The following CNTNAP5 variants were observed in gnomAD, a reference collection of about 807,000 sequenced individuals.
CNTNAP5 encodes contactin-associated protein-like 5.
In CNTNAP5, 72 loss-of-function variants were observed where a neutral mutation model predicts 150.2. That is an observed-to-expected ratio of 0.48 (90% CI 0.40 to 0.58). CNTNAP5 has a LOEUF of 0.58. CNTNAP5 is among the 20% of genes least tolerant of loss of function. CNTNAP5 has a pLI of 0.00. For missense variants in CNTNAP5, 1,636 were observed against 1,626.2 expected (o/e 1.01, Z -0.10); for synonymous variants, 672 against 619.8 (o/e 1.08, Z -1.25).
chr2:124,369,203 G>C (rs939912267), intron 3 of CNTNAP5, among the ~76,000 whole-genome samples: 2 of 152,094 alleles, frequency 1.3e-5, no homozygotes, highest in Non-Finnish European at 2.9e-5. Flanking sequence ...TTTCAGGAGA[G>C]CCAGGGGCTT....
chr2:124,376,070 AG>A (rs1690642107), intron 3 of CNTNAP5, among the ~76,000 whole-genome samples: 1 of 152,214 alleles, frequency 6.6e-6, no homozygotes, highest in African/African-American at 2.4e-5. Context: ...GAAATAATAT[AG>A]TAGATGAAAG....
chr2:124,453,606 G>A (rs1056002568), intron 6 of CNTNAP5, among the ~76,000 whole-genome samples: 4 of 152,100 alleles, frequency 2.6e-5, no homozygotes, highest in Non-Finnish European at 5.9e-5. Context: ...TTAAGATGAA[G>A]GAAAGAATCT....
chr2:124,156,955 T>G (rs1048240442), intron 1 of CNTNAP5, among the ~76,000 whole-genome samples: 1 of 152,208 alleles, frequency 6.6e-6, no homozygotes. Context: ...AGAGTTATTA[T>G]TAAGACCAAA....
chr2:124,370,481 A>G (rs1275899753), intron 3 of CNTNAP5, among the ~76,000 whole-genome samples: 1 of 152,148 alleles, frequency 6.6e-6, no homozygotes, highest in Non-Finnish European at 1.5e-5. Context: ...GAAGACAAAG[A>G]ATACTGATGG....
intron 1 of CNTNAP5, among the ~76,000 whole-genome samples, chr2:124,138,685 G>A (rs956024425): frequency 6.6e-6 from 1 of 152,116 alleles, no homozygotes; most frequent in Admixed American, 6.5e-5. Flanking sequence ...TGGTCCCCGA[G>A]TTTGAGAGAA....
At chr2:124,823,141 G>A (rs1469930813) in intron 19 of CNTNAP5, among the ~76,000 whole-genome samples, 1 of 152,172 alleles carries the variant, frequency 6.6e-6, no homozygotes, top group South Asian at 2.1e-4. Context: ...CTTTGTAGCT[G>A]TTCCTGGCAC....
At chr2:124,629,207 G>A (rs982917612) in intron 12 of CNTNAP5, among the ~76,000 whole-genome samples, 8 of 152,110 alleles carry the variant, frequency 5.3e-5, no homozygotes, top group Non-Finnish European at 1.0e-4. Flanking sequence ...AGGCCAAGTG[G>A]ACCTGATAGA....
chr2:124,474,627 C>A (rs1693597397), intron 6 of CNTNAP5, 112 bp from the exon 7 acceptor site: 2 of 783,378 alleles, frequency 2.6e-6, no homozygotes, highest in Non-Finnish European at 3.9e-6. Context: ...ATTATTTGAG[C>A]CATTTGGCTC....
Position 124,790,040 on chromosome 2 carries a change from A to G in CNTNAP5, c.2891A>G (p.Tyr964Cys), listed in dbSNP as rs1178838386. ...RPGCPGHCSS[Y>C]GSICHNGGKC... ...GGCTGCCCCGGCCACTGCAGCAGCT[A>G]CGGCAGCATCTGCCACAACGGGGGC... The change falls in exon 18 of 24, where the codon TAC becomes TGC. Residue 964 changes from tyrosine to cysteine, a missense_variant. Physicochemically the swap from Tyr to Cys is radical, Grantham distance 194 (BLOSUM62 -2). Coordinates refer to ENST00000682447, the MANE Select transcript of CNTNAP5 (RefSeq NM_001367498.1). 6.2e-7 allele frequency: 1 copy of G among 1,613,894 alleles called. No individual in the cohort carries two copies. Among genetic ancestry groups the G allele is most frequent in the Non-Finnish European group, 8.5e-7 (1 of 1,179,848 alleles).
At chr2:124,653,600 T>C (rs1335128297) in intron 13 of CNTNAP5, among the ~76,000 whole-genome samples, 1 of 150,984 alleles carries the variant, frequency 6.6e-6, no homozygotes, top group Non-Finnish European at 1.5e-5. Context: ...CCCCTTCACA[T>C]GTGAAAAATT....
At position 124,309,140 on chromosome 2, in the gene CNTNAP5, C is replaced by T. The variant is rs150345555; in HGVS notation, c.381+66747C>T. ...AATAATAACTAATAATAAAATAGGA[C>T]GGTTATGACAATATACTGTAATAAA... is the stretch of plus-strand genomic sequence containing the variant. On this transcript the variant is annotated intron_variant, in intron 3 of 23. Coordinates refer to ENST00000682447, the MANE Select transcript of CNTNAP5 (RefSeq NM_001367498.1). Among the ~76,000 whole-genome samples the T allele has an allele frequency of 5.7e-4, 87 of 152,218 alleles. 3 individuals carry two copies. In the South Asian group the frequency reaches 7.7e-3, roughly 13 times the overall value.
chr2:124,132,934 G>A (rs1456888929), intron 1 of CNTNAP5, among the ~76,000 whole-genome samples: 6 of 152,078 alleles, frequency 3.9e-5, no homozygotes, highest in Non-Finnish European at 7.4e-5. Flanking sequence ...TGTCTAAGCT[G>A]CTTTTGTCAT....
intron 4 of CNTNAP5, among the ~76,000 whole-genome samples, chr2:124,425,179 A>G (rs1431990290): frequency 1.3e-5 from 2 of 152,206 alleles, no homozygotes; most frequent in African/African-American, 4.8e-5. Flanking sequence ...TCCTAGCACT[A>G]AGTGGCTTAG....
At position 124,534,066 on chromosome 2, in the gene CNTNAP5, A is replaced by T. The variant is rs999785822; in HGVS notation, c.1649+6610A>T. Reference sequence around the variant, plus strand: ...TACTTAAGTGAAACAAGTGAGATACAAGGAGATAAATATTGAATGTTTTCA... The same window carrying T: ...TACTTAAGTGAAACAAGTGAGATACTAGGAGATAAATATTGAATGTTTTCA... On this transcript the variant is annotated intron_variant, in intron 10 of 23. Coordinates refer to ENST00000682447, the MANE Select transcript of CNTNAP5 (RefSeq NM_001367498.1). 4.6e-5 allele frequency among the ~76,000 whole-genome samples: 7 copies of T among 152,194 alleles called. No homozygotes were observed. In the East Asian group the frequency reaches 1.3e-3, roughly 29 times the overall value.
chr2:124,060,688 C>G (rs576525000), intron 1 of CNTNAP5, among the ~76,000 whole-genome samples: 86 of 152,150 alleles, frequency 5.7e-4, no homozygotes, highest in Non-Finnish European at 1.1e-3. Context: ...ATTAGCAGAA[C>G]AAGCATTTCT....
At chr2:124,511,010 G>A (rs1031536417) in intron 8 of CNTNAP5, among the ~76,000 whole-genome samples, 3 of 152,194 alleles carry the variant, frequency 2.0e-5, no homozygotes, top group Non-Finnish European at 4.4e-5. Context: ...ATGTGGTCAT[G>A]AGGCTCTCTC....
chr2:124,244,572 G>T (rs533497142), intron 3 of CNTNAP5, among the ~76,000 whole-genome samples: 17 of 152,236 alleles, frequency 1.1e-4, no homozygotes, highest in Admixed American at 3.9e-4. Context: ...AGTGGCTGCA[G>T]GGCAATTGGG....
intron 13 of CNTNAP5, among the ~76,000 whole-genome samples, chr2:124,679,022 C>A (rs1679004921): frequency 6.6e-6 from 1 of 151,900 alleles, no homozygotes; most frequent in Non-Finnish European, 1.5e-5. Flanking sequence ...CTGCAACAAA[C>A]CTGTTTCAGG....
At chr2:124,621,651 T>C (rs541067431) in intron 12 of CNTNAP5, among the ~76,000 whole-genome samples, 2 of 152,302 alleles carry the variant, frequency 1.3e-5, no homozygotes, top group Non-Finnish European at 2.9e-5. Context: ...TGTATCCATG[T>C]GGTTTGGCCT....
Sources: gnomAD v4.1 joint callset for allele counts (sites outside exome capture counted in the v4.1 genomes callset) on GRCh38, gnomAD v4.1.1 for gene constraint, MANE v1.5 for transcripts, NCBI Gene and HGNC (gene_info 2026-07-23, HGNC 2026-07-21) for gene names.